TRPM3: variants seen among roughly 807,000 people sequenced by gnomAD.
The protein encoded by TRPM3 is long transient receptor potential channel 3.
A neutral mutation model predicts 181.2 loss-of-function variants in TRPM3; 77 were observed. That is an observed-to-expected ratio of 0.42 (90% confidence interval 0.35 to 0.51). The LOEUF (loss-of-function observed/expected upper bound fraction) is 0.51. Among genes scored for constraint, TRPM3 ranks in the 20% least tolerant of loss-of-function variants. TRPM3 has a pLI of 0.01. For missense variants in TRPM3, 1,759 were observed against 2,196.7 expected (o/e 0.80, Z 3.98); for synonymous variants, 745 against 796.4 (o/e 0.94, Z 1.09).
rs531537735 is a variant in TRPM3 at position 70,624,664 on chromosome 9, A to G, written c.1809+527T>C. Among the ~76,000 whole-genome samples the G allele has an allele frequency of 1.6e-4, 25 of 152,278 alleles. 1 individual carries two copies. In the South Asian group the frequency reaches 5.2e-3, roughly 32 times the overall value. ...TTTTGTGGGGTCAGATTTTCTTTAT[A>G]TACTTTAACCAGAATATCCTACAAC... is the stretch of plus-strand genomic sequence containing the variant. On this transcript the variant is annotated intron_variant, in intron 14 of 25. Transcript: ENST00000677713.
intron 22 of TRPM3, among the ~76,000 whole-genome samples, chr9:70,555,466 C>T (rs10746847): frequency 0.54 from 82,771 of 152,044 alleles, 22,820 homozygotes; most frequent in East Asian, 0.73. Context: ...AGCACATCCA[C>T]ATGCACCTGT....
intron 1 of TRPM3, among the ~76,000 whole-genome samples, chr9:71,140,386 T>C (rs919022930): frequency 3.9e-5 from 6 of 152,154 alleles, no homozygotes; most frequent in African/African-American, 1.4e-4. Flanking sequence ...CAACATTGTC[T>C]TTCATTTCCA....
chr9:71,178,656 A>C (rs536891679), intron 1 of TRPM3, among the ~76,000 whole-genome samples: 1 of 152,192 alleles, frequency 6.6e-6, no homozygotes, highest in Non-Finnish European at 1.5e-5. Flanking sequence ...GAAGATATTT[A>C]AAGAAGTAAT....
At chr9:70,790,957 A>G (rs1347930328) in intron 6 of TRPM3, among the ~76,000 whole-genome samples, 5 of 152,204 alleles carry the variant, frequency 3.3e-5, no homozygotes, top group Non-Finnish European at 7.4e-5. Context: ...ATTGAGGAGC[A>G]GAGTGAGCCC....
intron 3 of TRPM3, among the ~76,000 whole-genome samples, chr9:70,851,179 C>T (rs940938864): frequency 1.3e-5 from 2 of 152,010 alleles, no homozygotes; most frequent in Non-Finnish European, 2.9e-5. Flanking sequence ...AAGAAAATCC[C>T]GAAAAACAAG....
At chr9:71,412,043 A>G (rs570665003) in intron 1 of TRPM3, among the ~76,000 whole-genome samples, 1 of 152,362 alleles carries the variant, frequency 6.6e-6, no homozygotes, top group African/African-American at 2.4e-5. Context: ...CAGGCTAGCC[A>G]TATGTAGAAA....
At chr9:71,408,754 T>C (rs1035238364) in intron 1 of TRPM3, among the ~76,000 whole-genome samples, 9 of 151,914 alleles carry the variant, frequency 5.9e-5, no homozygotes, top group Non-Finnish European at 1.0e-4. Flanking sequence ...ATACAGAGAA[T>C]GCCACAAAGA....
chr9:71,195,153 T>A (rs184674873), intron 1 of TRPM3, among the ~76,000 whole-genome samples: 26 of 152,004 alleles, frequency 1.7e-4, no homozygotes, highest in Admixed American at 1.6e-3. Flanking sequence ...CAAAACCTAA[T>A]AAACGGGATC....
chr9:71,065,522 C>T lies in TRPM3; in HGVS notation c.177+55656G>A, dbSNP rs115354212. Among the ~76,000 whole-genome samples, 1,241 of 152,216 alleles carry T rather than the reference C, an allele frequency of 8.2e-3. 8 individuals are homozygous for T. Among genetic ancestry groups the T allele is most frequent in the African/African-American group, 0.028 (1,160 of 41,554 alleles). Reference sequence around the variant, plus strand: ...ATCACAGAATTCTGTGACTCAGTTGCTCATCTTACATTTCTAAACAATGGG... The same window carrying T: ...ATCACAGAATTCTGTGACTCAGTTGTTCATCTTACATTTCTAAACAATGGG... On this transcript the variant is annotated intron_variant, in intron 1 of 25. Transcript: ENST00000677713.
chr9:70,955,848 A>G (rs1345447655), intron 1 of TRPM3, among the ~76,000 whole-genome samples: 2 of 152,200 alleles, frequency 1.3e-5, no homozygotes, highest in Non-Finnish European at 2.9e-5. Flanking sequence ...TAATCTAACA[A>G]GCTCAGTGGT....
At chr9:71,326,355 C>T (rs2089679991) in intron 1 of TRPM3, among the ~76,000 whole-genome samples, 1 of 152,184 alleles carries the variant, frequency 6.6e-6, no homozygotes, top group South Asian at 2.1e-4. Flanking sequence ...CAGGTGTCAG[C>T]AGGTGAGCAA....
intron 1 of TRPM3, among the ~76,000 whole-genome samples, chr9:71,036,083 A>G (rs1204357050): frequency 1.3e-5 from 2 of 151,098 alleles, no homozygotes; most frequent in Non-Finnish European, 1.5e-5. Context: ...GAAATGGAAG[A>G]TTACAGATTG....
intron 6 of TRPM3, chr9:70,826,579 G>A (rs903488960): frequency 1.3e-5 from 2 of 152,258 alleles, no homozygotes; most frequent in Non-Finnish European, 2.9e-5. Flanking sequence ...GTAGGAAGGA[G>A]AAGCTGTGGT....
At chr9:71,293,348 C>G (rs1164201279) in intron 1 of TRPM3, among the ~76,000 whole-genome samples, 1 of 151,776 alleles carries the variant, frequency 6.6e-6, no homozygotes, top group East Asian at 1.9e-4. Flanking sequence ...AGAAATAAAA[C>G]ATCCATTATT....
At chr9:71,398,896 A>T (rs1183306006) in intron 1 of TRPM3, among the ~76,000 whole-genome samples, 1 of 152,218 alleles carries the variant, frequency 6.6e-6, no homozygotes, top group Non-Finnish European at 1.5e-5. Context: ...TATTCAATTT[A>T]ATGAATAAGA....
intron 1 of TRPM3, among the ~76,000 whole-genome samples, chr9:71,046,949 A>G (rs1414019840): frequency 6.6e-6 from 1 of 152,224 alleles, no homozygotes; most frequent in Non-Finnish European, 1.5e-5. Flanking sequence ...ACCAAATACC[A>G]TATACCTGTT....
chr9:71,251,266 T>C (rs1315105785), intron 1 of TRPM3, among the ~76,000 whole-genome samples: 1 of 152,172 alleles, frequency 6.6e-6, no homozygotes, highest in Non-Finnish European at 1.5e-5. Flanking sequence ...CAAAGATTAA[T>C]GCTCACACTG....
At chr9:71,067,822 A>G (rs1282254441) in intron 1 of TRPM3, among the ~76,000 whole-genome samples, 1 of 152,174 alleles carries the variant, frequency 6.6e-6, no homozygotes, top group East Asian at 1.9e-4. Flanking sequence ...CCACATACTA[A>G]GATCTCCATG....
At chr9:70,752,049 T>TGCGCGC (rs367694647) in intron 8 of TRPM3, among the ~76,000 whole-genome samples, 18 of 116,346 alleles carry the variant, frequency 1.5e-4, no homozygotes, top group African/African-American at 5.2e-4. Flanking sequence ...TGTGTGTGTG[T>TGCGCGC]GCGCGCGCGC....
Sources: gnomAD v4.1 joint callset for allele counts (sites outside exome capture counted in the v4.1 genomes callset) on GRCh38, gnomAD v4.1.1 for gene constraint, MANE v1.5 for transcripts, NCBI Gene and HGNC (gene_info 2026-07-23, HGNC 2026-07-21) for gene names.